Variants in LHFPL3 observed in about 807,000 individuals in gnomAD.
LHFPL3 encodes the protein LHFPL tetraspan subfamily member 3, also known as LHFPL tetraspan subfamily member 3 protein.
LHFPL3 carries 5 observed loss-of-function variants against 19.3 expected under a neutral mutation model. The ratio of observed to expected loss-of-function variants is 0.26; its 90% confidence interval spans 0.14 to 0.54. The LOEUF (loss-of-function observed/expected upper bound fraction) is 0.54, where lower values mean the gene tolerates loss of function less well. LHFPL3 is among the 20% of genes least tolerant of loss of function. The probability of loss-of-function intolerance (pLI) is 0.94; values close to 1 mark genes in which losing one functional copy is unlikely to be tolerated. For synonymous variants in LHFPL3, 133 were observed against 126.2 expected (o/e 1.05, Z -0.36); for missense variants, 249 against 307.4 (o/e 0.81, Z 1.42).
At chr7:104,353,659 A>G (rs1031447237) in intron 1 of LHFPL3, among the ~76,000 whole-genome samples, 9 of 152,228 alleles carry the variant, frequency 5.9e-5, no homozygotes, top group Non-Finnish European at 1.0e-4. Context: ...AGTGCCTAAT[A>G]GGGCGGGAAG....
intron 2 of LHFPL3, among the ~76,000 whole-genome samples, chr7:104,859,765 G>A (rs1418984947): frequency 1.3e-5 from 2 of 152,084 alleles, no homozygotes; most frequent in Non-Finnish European, 1.5e-5. Flanking sequence ...CTATAATAGT[G>A]GATACACATC....
intron 1 of LHFPL3, among the ~76,000 whole-genome samples, chr7:104,719,969 C>T (rs1198530655): frequency 6.6e-6 from 1 of 152,066 alleles, no homozygotes; most frequent in Non-Finnish European, 1.5e-5. Flanking sequence ...CTCCTATTTC[C>T]GAACCTGACC....
At chr7:104,473,092 A>G (rs1792942126) in intron 1 of LHFPL3, among the ~76,000 whole-genome samples, 1 of 152,230 alleles carries the variant, frequency 6.6e-6, no homozygotes, top group South Asian at 2.1e-4. Flanking sequence ...GAAATGGAGA[A>G]CTGTTTTCAA....
At chr7:104,536,596 G>C (rs1794393141) in intron 1 of LHFPL3, among the ~76,000 whole-genome samples, 1 of 152,118 alleles carries the variant, frequency 6.6e-6, no homozygotes, top group South Asian at 2.1e-4. Flanking sequence ...AATCTTCTGT[G>C]ATCTGATCTT....
At chr7:104,670,289 A>G (rs1285623900) in intron 1 of LHFPL3, among the ~76,000 whole-genome samples, 17 of 152,172 alleles carry the variant, frequency 1.1e-4, no homozygotes, top group African/African-American at 3.1e-4. Flanking sequence ...ACCAGGTAAT[A>G]GGGGAAAATT....
intron 1 of LHFPL3, among the ~76,000 whole-genome samples, chr7:104,348,371 G>A (rs944935483): frequency 5.3e-5 from 8 of 152,180 alleles, no homozygotes; most frequent in Admixed American, 3.3e-4. Flanking sequence ...GCGACAGAGC[G>A]AGACTCCGTC....
chr7:104,363,188 A>C (rs1410284461), intron 1 of LHFPL3, among the ~76,000 whole-genome samples: 1 of 152,200 alleles, frequency 6.6e-6, no homozygotes, highest in Non-Finnish European at 1.5e-5. Context: ...GATTCCTCCC[A>C]AAGTTAGTTC....
At chr7:104,514,525 T>C (rs1399147687) in intron 1 of LHFPL3, among the ~76,000 whole-genome samples, 1 of 152,194 alleles carries the variant, frequency 6.6e-6, no homozygotes, top group East Asian at 1.9e-4. Context: ...CCAGCCAGTC[T>C]GTTTAGAAAC....
intron 2 of LHFPL3, among the ~76,000 whole-genome samples, chr7:104,737,815 C>A (rs1158329072): frequency 6.6e-6 from 1 of 152,100 alleles, no homozygotes; most frequent in Non-Finnish European, 1.5e-5. Context: ...TAATTGGGAG[C>A]TAAATCCATC....
chr7:104,544,425 A>G (rs1267956358), intron 1 of LHFPL3, among the ~76,000 whole-genome samples: 1 of 152,234 alleles, frequency 6.6e-6, no homozygotes, highest in African/African-American at 2.4e-5. Context: ...TGCCTTCACA[A>G]AGACAAAAAT....
chr7:104,456,680 A>G (rs1223912042), intron 1 of LHFPL3, among the ~76,000 whole-genome samples: 1 of 152,178 alleles, frequency 6.6e-6, no homozygotes, highest in African/African-American at 2.4e-5. Context: ...TGCAAGCATC[A>G]CTACACTTGT....
chr7:104,395,667 T>C (rs1339429910), intron 1 of LHFPL3, among the ~76,000 whole-genome samples: 1 of 152,178 alleles, frequency 6.6e-6, no homozygotes. Context: ...ATACTGGCTT[T>C]CTCATGCATT....
At chr7:104,387,323 A>C (rs910400465) in intron 1 of LHFPL3, among the ~76,000 whole-genome samples, 1 of 152,114 alleles carries the variant, frequency 6.6e-6, no homozygotes, top group Non-Finnish European at 1.5e-5. Context: ...AGCCAAGATC[A>C]TGCCATTGCA....
Position 104,553,460 on chromosome 7 carries a change from A to G in LHFPL3, c.446-183215A>G, listed in dbSNP as rs115885772. On this transcript the variant is annotated intron_variant, in intron 1 of 2. Coordinates refer to ENST00000424859, the MANE Select transcript of LHFPL3 (RefSeq NM_199000.3). ...TTGCCTAACATGGGAGGAGGGAATG[A>G]CTTGAACCACTTGCCACCTTTGTAA... Among the ~76,000 whole-genome samples the G allele has an allele frequency of 9.7e-3, 1,479 of 152,314 alleles. 24 individuals are homozygous for G. The highest frequency in any genetic ancestry group is 0.034 in the African/African-American group (1,400 of 41,566).
chr7:104,734,721 CAA>C (rs1793771976), intron 1 of LHFPL3, among the ~76,000 whole-genome samples: 1 of 152,246 alleles, frequency 6.6e-6, no homozygotes, highest in African/African-American at 2.4e-5. Context: ...CTCAACTCGT[CAA>C]AGTCATTCTC....
intron 1 of LHFPL3, among the ~76,000 whole-genome samples, chr7:104,639,245 A>G (rs2115884763): frequency 6.6e-6 from 1 of 152,130 alleles, no homozygotes; most frequent in East Asian, 1.9e-4. Context: ...TACTCATTCA[A>G]TTTCAGAGTT....
intron 1 of LHFPL3, chr7:104,668,729 C>CCA (rs1792413827): frequency 6.7e-7 from 1 of 1,502,754 alleles, no homozygotes; most frequent in Non-Finnish European, 9.1e-7. Context: ...CCCCCCCCCC[C>CCA]AAAGACCCAA....
intron 1 of LHFPL3, among the ~76,000 whole-genome samples, chr7:104,647,361 A>C (rs1791952631): frequency 6.6e-6 from 1 of 152,174 alleles, no homozygotes; most frequent in African/African-American, 2.4e-5. Flanking sequence ...ATTTGGCTTG[A>C]GCTAGTGATT....
In LHFPL3 at chr7:104,376,545, A is replaced by C. The variant is rs187713643; in HGVS notation, c.445+47321A>C. Among the ~76,000 whole-genome samples, 548 of 152,270 alleles carry C rather than the reference A, an allele frequency of 3.6e-3. 4 individuals carry two copies. The highest frequency in any genetic ancestry group is 0.01 in the Admixed American group (154 of 15,292). ...CCTGATAATGTCCCTGCTACTTTTT[A>C]TGGAATGTAGGTTTTCAGGATGATA... On this transcript the variant is annotated intron_variant, in intron 1 of 2. Coordinates refer to ENST00000424859, the MANE Select transcript of LHFPL3 (RefSeq NM_199000.3).
Sources: gnomAD v4.1 joint callset for allele counts (sites outside exome capture counted in the v4.1 genomes callset) on GRCh38, gnomAD v4.1.1 for gene constraint, MANE v1.5 for transcripts, NCBI Gene and HGNC (gene_info 2026-07-23, HGNC 2026-07-21) for gene names.